RAD54L2: variants seen among roughly 807,000 people sequenced by gnomAD.
RAD54L2 encodes RAD54 like 2, also known as helicase ARIP4.
In RAD54L2, 27 loss-of-function variants were observed where a neutral mutation model predicts 138.4. That is an observed-to-expected ratio of 0.20 (90% CI 0.14 to 0.27). RAD54L2 has a LOEUF of 0.27. RAD54L2 is among the 10% of genes least tolerant of loss of function. The pLI, the probability that RAD54L2 is intolerant of heterozygous loss-of-function variation, is 1.00. For missense variants in RAD54L2, 1,396 were observed against 1,890.2 expected, an observed-to-expected ratio of 0.74 and a Z score of 4.85; for synonymous variants, 644 against 723.2, an observed-to-expected ratio of 0.89 and a Z score of 1.76.
chr3:51,589,252 C>T (rs1291926202), intron 2 of RAD54L2, among the ~76,000 whole-genome samples: 1 of 152,056 alleles, frequency 6.6e-6, no homozygotes. Flanking sequence ...CTGTCTTAGC[C>T]AGGCATGGTT....
intron 1 of RAD54L2, among the ~76,000 whole-genome samples, 151 bp downstream of exon 1, chr3:51,539,066 G>T (rs962900668): frequency 2.8e-4 from 43 of 152,190 alleles, no homozygotes; most frequent in Non-Finnish European, 5.7e-4. Flanking sequence ...GGGGCACGGG[G>T]TCCCCCACCC....
intron 2 of RAD54L2, among the ~76,000 whole-genome samples, chr3:51,589,683 TACAC>T (rs34544597): frequency 1.3e-4 from 19 of 144,864 alleles, no homozygotes; most frequent in South Asian, 4.4e-4. Flanking sequence ...TATATATATA[TACAC>T]ACACACACAC....
chr3:51,640,061 C>A (rs1204463540), intron 14 of RAD54L2, 62 bp downstream of exon 14: 1 of 1,309,050 alleles, frequency 7.6e-7, no homozygotes, highest in Admixed American at 2.0e-5. Context: ...AAAACCACCA[C>A]AGAGCAAGAC....
intron 3 of RAD54L2, among the ~76,000 whole-genome samples, chr3:51,600,577 A>G (rs1044549293): frequency 6.6e-6 from 1 of 152,146 alleles, no homozygotes; most frequent in African/African-American, 2.4e-5. Flanking sequence ...ATGCCACTGC[A>G]CTCCAGCCTT....
At chr3:51,605,847 G>C (rs1039595227) in intron 3 of RAD54L2, among the ~76,000 whole-genome samples, 2 of 152,180 alleles carry the variant, frequency 1.3e-5, no homozygotes, top group Admixed American at 6.6e-5. Context: ...CTTTCTCTCT[G>C]CAGCTTTACT....
At position 51,627,235 on chromosome 3, in the gene RAD54L2, G is replaced by A. The variant is rs1316773907; in HGVS notation, c.140-318G>A. Among the ~76,000 whole-genome samples the A allele has an allele frequency of 5.3e-5, 8 of 152,108 alleles. No homozygotes were observed. The South Asian group carries it at 6.2e-4, about 12-fold the overall frequency. On this transcript the variant is annotated intron_variant, in intron 3 of 22. Transcript: ENST00000684192. ...GTTTGTCCCTTTCTGAGCATTCTGAGGCCATGAAACTTACTAACTCTGATC... is the reference window on the plus strand; with the variant it reads ...GTTTGTCCCTTTCTGAGCATTCTGAAGCCATGAAACTTACTAACTCTGATC...
At chr3:51,539,357 T>A (rs1303916790) in intron 1 of RAD54L2, among the ~76,000 whole-genome samples, 1 of 152,244 alleles carries the variant, frequency 6.6e-6, no homozygotes, top group Non-Finnish European at 1.5e-5. Context: ...TCCTGAGGTC[T>A]GGGAATTTGG....
chr3:51,576,540 A>G (rs55701928), intron 2 of RAD54L2, among the ~76,000 whole-genome samples: 2,867 of 152,192 alleles, frequency 0.019, 100 homozygotes, highest in African/African-American at 0.066. Flanking sequence ...TTATTGGTCT[A>G]TTGAGGGATT....
chr3:51,564,763 T>A (rs2106646295), intron 2 of RAD54L2, among the ~76,000 whole-genome samples: 1 of 152,290 alleles, frequency 6.6e-6, no homozygotes, highest in Non-Finnish European at 1.5e-5. Context: ...TTTATTTTTT[T>A]AATTTTCTGT....
At chr3:51,632,014 T>A (rs1700857551) in intron 7 of RAD54L2, among the ~76,000 whole-genome samples, 1 of 152,150 alleles carries the variant, frequency 6.6e-6, no homozygotes, top group Admixed American at 6.5e-5. Context: ...GTAATTACCA[T>A]TCTATTTTCT....
Position 51,663,594 on chromosome 3 carries a change from C to CA in RAD54L2, c.*198dup, listed in dbSNP as rs34235841. 6.7e-3 allele frequency: 365 copies of CA among 54,694 alleles called. No individual in the cohort carries two copies. The highest frequency in any genetic ancestry group is 0.013 in the East Asian group (29 of 2,204). The allele number at this position is 54,694 out of a possible 1,614,324, so 3.4% of individuals were successfully genotyped here. ...CTCTGTTGCTGTTTAACAAAAGAGG[C>CA]AAAAAAAAAAAAAAAAAAAAAAAAG... On this transcript the variant is annotated 3_prime_UTR_variant, in exon 23 of 23. Transcript: ENST00000684192.
chr3:51,626,436 CTTTTTTTT>C lies in RAD54L2; in HGVS notation c.140-1098_140-1091del, dbSNP rs768354274. 2.5e-4 allele frequency among the ~76,000 whole-genome samples: 10 copies of C among 39,392 alleles called. 1 individual carries two copies. Among genetic ancestry groups the C allele is most frequent in the Admixed American group, 2.0e-3 (4 of 1,994 alleles). The allele number at this position is 39,392 out of a possible 152,430, so 25.8% of individuals were successfully genotyped here. A position where few individuals can be genotyped will look rare whatever the true frequency, so the allele number is the denominator to read the frequency against. On this transcript the variant is annotated intron_variant, in intron 3 of 22. Transcript: ENST00000684192. ...TGACATCCCCTGGACCCCCAACGAT[CTTTTTTTT>C]TTTTTTTTTTTTTTTTTTAAGAGGG...
intron 3 of RAD54L2, among the ~76,000 whole-genome samples, chr3:51,609,754 G>A (rs2106755569): frequency 6.6e-6 from 1 of 151,126 alleles, no homozygotes; most frequent in Admixed American, 6.6e-5. Context: ...TGTAGTCTCA[G>A]TGTTTCAAAG....
chr3:51,616,494 G>A (rs6787312), intron 3 of RAD54L2, among the ~76,000 whole-genome samples: 134,357 of 152,220 alleles, frequency 0.88, 59,427 homozygotes, highest in East Asian at 0.94. Context: ...GTACATGACT[G>A]TTGGTTGTAT....
At chr3:51,591,304 GT>G (rs1255149459) in intron 3 of RAD54L2, among the ~76,000 whole-genome samples, 2 of 152,146 alleles carry the variant, frequency 1.3e-5, no homozygotes, top group Non-Finnish European at 2.9e-5. Flanking sequence ...GGATTTAGTT[GT>G]TTGTAAGCTT....
At chr3:51,585,597 C>A (rs908268018) in intron 2 of RAD54L2, among the ~76,000 whole-genome samples, 1 of 152,126 alleles carries the variant, frequency 6.6e-6, no homozygotes. Context: ...TGACAGGTGG[C>A]GTTGTCTTTG....
intron 2 of RAD54L2, among the ~76,000 whole-genome samples, chr3:51,566,088 A>T (rs1311043583): frequency 6.6e-6 from 1 of 152,148 alleles, no homozygotes; most frequent in African/African-American, 2.4e-5. Flanking sequence ...TCGGCCTCCC[A>T]AAGTGCTGGG....
chr3:51,560,555 G>A (rs1016724191), intron 2 of RAD54L2, among the ~76,000 whole-genome samples: 2 of 151,644 alleles, frequency 1.3e-5, no homozygotes. Context: ...TAGAGACAGG[G>A]TTTCACTGTG....
intron 3 of RAD54L2, among the ~76,000 whole-genome samples, chr3:51,615,480 A>G (rs1324849564): frequency 6.6e-6 from 1 of 152,208 alleles, no homozygotes; most frequent in Admixed American, 6.5e-5. Flanking sequence ...ATTCATACAT[A>G]TTTTACTCTA....
Sources: allele counts gnomAD v4.1 joint callset (sites outside exome capture counted in the v4.1 genomes callset), GRCh38; gene constraint gnomAD v4.1.1; transcripts MANE v1.5; gene names NCBI Gene and HGNC (gene_info 2026-07-23, HGNC 2026-07-21).